The following HYDIN variants were observed in gnomAD, a reference collection of about 807,000 sequenced individuals.
The protein encoded by HYDIN is axonemal central pair apparatus protein HYDIN.
In HYDIN, 132 loss-of-function variants were observed where a neutral mutation model predicts 403.9. The ratio of observed to expected loss-of-function variants is 0.33; its 90% CI spans 0.28 to 0.38. HYDIN has a LOEUF of 0.38. HYDIN is among the 10% of genes least tolerant of loss of function. The pLI, the probability that HYDIN is intolerant of heterozygous loss-of-function variation, is 1.00. For missense variants in HYDIN, 2,827 were observed against 5,009.5 expected (o/e 0.56, Z 13.15); for synonymous variants, 1,202 against 1,891.7 (o/e 0.64, Z 9.46).
chr16:71,021,735 T>C (rs1356195736), intron 21 of HYDIN, among the ~76,000 whole-genome samples: 1 of 152,172 alleles, frequency 6.6e-6, no homozygotes, highest in Non-Finnish European at 1.5e-5. Flanking sequence ...TTCTGACAAC[T>C]CTAGTCTGTC....
intron 46 of HYDIN, 25 bp downstream of exon 46, chr16:70,920,566 C>T (rs1455356765): frequency 1.9e-6 from 3 of 1,565,884 alleles, no homozygotes; most frequent in African/African-American, 2.7e-5. Context: ...CTTGAGACTT[C>T]CCCACCCTGG....
rs985303756 is a variant in HYDIN at position 71,064,107 on chromosome 16, G to T, written c.2211+598C>A. On this transcript the variant is annotated intron_variant, in intron 16 of 85. Transcript: ENST00000393567. ...GAGTTTTATACCCAAATGCATTCTTGGTAAACTGCATCTCAGTAGTAACCT... is the reference window on the plus strand; with the variant it reads ...GAGTTTTATACCCAAATGCATTCTTTGTAAACTGCATCTCAGTAGTAACCT... Among the ~76,000 whole-genome samples the T allele has an allele frequency of 1.2e-4, 15 of 129,458 alleles. 1 individual carries two copies. The highest frequency in any genetic ancestry group is 4.0e-4 in the African/African-American group (15 of 37,224). 84.9% of individuals were successfully genotyped at this position (129,458 alleles called of 152,430 possible).
intron 10 of HYDIN, among the ~76,000 whole-genome samples, chr16:71,098,264 C>T (rs920273677): frequency 1.6e-4 from 24 of 146,618 alleles, no homozygotes; most frequent in Non-Finnish European, 2.7e-4. Context: ...TGCAGTGGTG[C>T]GATCTCGGCT....
intron 23 of HYDIN, among the ~76,000 whole-genome samples, chr16:71,005,213 C>G (rs2079856441): frequency 6.6e-6 from 1 of 151,982 alleles, no homozygotes; most frequent in Non-Finnish European, 1.5e-5. Flanking sequence ...TTCAAATTGT[C>G]TATAATAGAG....
chr16:71,183,021 TTC>T (rs1231179450), intron 3 of HYDIN, among the ~76,000 whole-genome samples: 1 of 152,082 alleles, frequency 6.6e-6, no homozygotes, highest in Non-Finnish European at 1.5e-5. Flanking sequence ...AAGCAATATG[TTC>T]TGATTTACAT....
In HYDIN at chr16:70,822,209, T is replaced by A. The variant is rs545939629; in HGVS notation, c.14428-3637A>T. On this transcript the variant is annotated intron_variant, in intron 83 of 85. Transcript: ENST00000393567. ...AGATGCCATTAAGAACATCTGTGAT[T>A]CACTGGAGAAGGTCAAACCCTCATG... Among the ~76,000 whole-genome samples, 443 of 152,244 alleles carry A rather than the reference T, an allele frequency of 2.9e-3. 9 individuals carry two copies. Among genetic ancestry groups the A allele is most frequent in the Non-Finnish European group, 1.2e-3 (83 of 68,030 alleles).
intron 77 of HYDIN, among the ~76,000 whole-genome samples, chr16:70,837,004 G>A (rs1017911984): frequency 9.8e-4 from 149 of 152,376 alleles, no homozygotes; most frequent in Middle Eastern, 3.4e-3. Context: ...TCCCCTGGTT[G>A]CCGAAATATG....
At chr16:71,203,679 T>C (rs1037575419) in intron 1 of HYDIN, 105 of 452,736 alleles carry the variant, frequency 2.3e-4, no homozygotes, top group African/African-American at 2.1e-3. Flanking sequence ...ATACACAAAT[T>C]ATTCTATTCT....
intron 13 of HYDIN, among the ~76,000 whole-genome samples, chr16:71,069,965 G>T (rs2082408253): frequency 6.6e-6 from 1 of 152,186 alleles, no homozygotes; most frequent in South Asian, 2.1e-4. Flanking sequence ...TTTGCCCCCT[G>T]GGTGACCCAG....
intron 72 of HYDIN, among the ~76,000 whole-genome samples, chr16:70,855,808 T>G (rs1243606511): frequency 6.6e-6 from 1 of 152,296 alleles, no homozygotes; most frequent in Non-Finnish European, 1.5e-5. Flanking sequence ...TTTTATCCAA[T>G]TCTCTCCCCT....
chr16:70,864,736 AC>A (rs1413693216), intron 67 of HYDIN, among the ~76,000 whole-genome samples: 1 of 151,916 alleles, frequency 6.6e-6, no homozygotes, highest in Non-Finnish European at 1.5e-5. Flanking sequence ...GGCACAGAGT[AC>A]TTTTTATAAA....
chr16:70,895,531 T>C (rs2143732601), intron 54 of HYDIN, among the ~76,000 whole-genome samples: 1 of 151,656 alleles, frequency 6.6e-6, no homozygotes. Context: ...GGTATGGAAA[T>C]GGATTCTCCC....
At chr16:71,092,474 C>A (rs979150801) in intron 11 of HYDIN, among the ~76,000 whole-genome samples, 1 of 152,142 alleles carries the variant, frequency 6.6e-6, no homozygotes, top group Non-Finnish European at 1.5e-5. Flanking sequence ...TCTAGCACTA[C>A]CTTAACTTCT....
chr16:70,978,244 T>C (rs1230495054), intron 30 of HYDIN, among the ~76,000 whole-genome samples: 1 of 150,786 alleles, frequency 6.6e-6, no homozygotes, highest in Non-Finnish European at 1.5e-5. Flanking sequence ...CCATATCCAA[T>C]CAATCCCTAA....
chr16:71,001,138 A>T (rs949395969), intron 23 of HYDIN, among the ~76,000 whole-genome samples: 2 of 112,636 alleles, frequency 1.8e-5, no homozygotes, highest in Non-Finnish European at 3.6e-5. Flanking sequence ...TAATTAATGC[A>T]AGAGGATTAA....
rs769757047 is a variant in HYDIN, at chr16:70,943,919, T to A, written c.6562A>T (p.Ile2188Phe). 1 of 1,612,764 alleles carries A rather than the reference T, an allele frequency of 6.2e-7. No homozygotes were observed. The highest frequency in any genetic ancestry group is 8.5e-7 in the Non-Finnish European group (1 of 1,179,674). ...GGACTAACACTGAGCCAGCGGTGGA[T>A]GGGCCCCGGGGGGAGAGGGCTGGAG... is the stretch of plus-strand genomic sequence containing the variant. ...ISSSPLPPGP[I>F]HRWLSVSPSV... is the part of the protein sequence containing the mutation. The change falls in exon 42 of 86, where the codon ATC (isoleucine) becomes TTC (phenylalanine). Residue 2188 changes from isoleucine (I) to phenylalanine (F), a missense_variant. Physicochemically the swap from Ile to Phe is conservative, Grantham distance 21. Transcript: ENST00000393567.
At chr16:71,075,768 A>G (rs1275716930) in intron 13 of HYDIN, among the ~76,000 whole-genome samples, 1 of 144,130 alleles carries the variant, frequency 6.9e-6, no homozygotes, top group Non-Finnish European at 1.5e-5. Context: ...ACATCATGGC[A>G]TCTGCCTTAC....
chr16:71,206,608 T>C (rs2088313464), intron 1 of HYDIN, among the ~76,000 whole-genome samples: 1 of 152,138 alleles, frequency 6.6e-6, no homozygotes, highest in Non-Finnish European at 1.5e-5. Context: ...GAATTCAGAA[T>C]ATGGATAGAA....
chr16:70,858,817 T>C (rs1232284395), intron 71 of HYDIN, among the ~76,000 whole-genome samples: 1 of 152,072 alleles, frequency 6.6e-6, no homozygotes, highest in Non-Finnish European at 1.5e-5. Flanking sequence ...ATGATCCAGG[T>C]AGGATTGTCT....
Sources: gnomAD v4.1 joint callset for allele counts (sites outside exome capture counted in the v4.1 genomes callset) on GRCh38, gnomAD v4.1.1 for gene constraint, MANE v1.5 for transcripts, NCBI Gene and HGNC (gene_info 2026-07-23, HGNC 2026-07-21) for gene names.